The following SLC25A26 variants were observed in gnomAD, a reference collection of about 807,000 sequenced individuals.
The protein encoded by SLC25A26 is mitochondrial S-adenosylmethionine carrier protein.
A neutral mutation model predicts 37.8 loss-of-function variants in SLC25A26; 36 were observed. That is an observed-to-expected ratio of 0.95 (90% CI 0.73 to 1.26). SLC25A26 has a LOEUF of 1.26. Among genes scored for constraint, SLC25A26 ranks in the 50% most tolerant of loss-of-function variants. The probability of loss-of-function intolerance (pLI) is 0.00; values close to 1 mark genes in which losing one functional copy is unlikely to be tolerated. For missense variants in SLC25A26, 390 were observed against 331.1 expected (o/e 1.18, Z -1.38); for synonymous variants, 129 against 122.5 (o/e 1.05, Z -0.35).
intron 5 of SLC25A26, among the ~76,000 whole-genome samples, chr3:66,275,700 T>G (rs1410536264): frequency 6.6e-6 from 1 of 152,128 alleles, no homozygotes; most frequent in East Asian, 1.9e-4. Flanking sequence ...CTGTCTGTAC[T>G]TCCATTGAGA....
chr3:66,186,459 A>G (rs1421534434), intron 1 of SLC25A26, among the ~76,000 whole-genome samples: 1 of 150,070 alleles, frequency 6.7e-6, no homozygotes, highest in Non-Finnish European at 1.5e-5. Context: ...TTATNCCTCA[A>G]CCTCACCTTA....
intron 6 of SLC25A26, among the ~76,000 whole-genome samples, chr3:66,353,715 G>C (rs2076512726): frequency 6.6e-6 from 1 of 152,208 alleles, no homozygotes; most frequent in African/African-American, 2.4e-5. Flanking sequence ...CGTTGAATCT[G>C]CTGAGCTTGG....
In SLC25A26 at chr3:66,308,414, A is replaced by G. The variant is rs573287559; in HGVS notation, c.454-37950A>G. Among the ~76,000 whole-genome samples the G allele has an allele frequency of 1.5e-3, 228 of 152,262 alleles. 1 individual carries two copies. The highest frequency in any genetic ancestry group is 1.6e-3 in the Non-Finnish European group (109 of 68,008). ...AGGAGATTTGGGGCTGCGATGATGG[A>G]GTTTTCAAAATATACAATCTTGTTA... On this transcript the variant is annotated intron_variant, in intron 5 of 9. Coordinates refer to ENST00000354883, the MANE Select transcript of SLC25A26 (RefSeq NM_001379210.1).
At chr3:66,355,965 T>G (rs2076565082) in intron 6 of SLC25A26, 3 of 453,556 alleles carry the variant, frequency 6.6e-6, no homozygotes, top group African/African-American at 4.0e-5. Context: ...GAGTAGATGA[T>G]TCTGTGCACA....
intron 3 of SLC25A26, among the ~76,000 whole-genome samples, chr3:66,259,988 T>C (rs1342719716): frequency 2.6e-5 from 4 of 152,234 alleles, no homozygotes; most frequent in African/African-American, 9.6e-5. Flanking sequence ...GGACTGCCGC[T>C]GATTCCCCTG....
chr3:66,137,221 T>C lies in SLC25A26; in HGVS notation c.-354+3237T>C, dbSNP rs539494402. Among the ~76,000 whole-genome samples the C allele has an allele frequency of 2.9e-4, 43 of 148,184 alleles. 1 individual carries two copies. The highest frequency in any genetic ancestry group is 7.9e-4 in the East Asian group (4 of 5,078). On this transcript the variant is annotated intron_variant, in intron 1 of 10. Coordinates refer to the SLC25A26 transcript ENST00000676754. ...ACCTATGCTGTGATTTTCTTTCTTT[T>C]TTTTTTTTTTTTTTTTGAGATGGAG...
chr3:66,214,943 C>T (rs989988975), intron 1 of SLC25A26, among the ~76,000 whole-genome samples: 3 of 152,084 alleles, frequency 2.0e-5, no homozygotes, highest in Non-Finnish European at 4.4e-5. Context: ...GCCTGGCCAA[C>T]GTGCTGAAAT....
At chr3:66,374,515 G>T (rs923693154) in intron 9 of SLC25A26, among the ~76,000 whole-genome samples, 3 of 152,168 alleles carry the variant, frequency 2.0e-5, no homozygotes, top group African/African-American at 7.2e-5. Context: ...CAATATTGCA[G>T]TTAGGCCAAT....
Position 66,287,639 on chromosome 3 carries a change from A to G in SLC25A26, c.453+24260A>G, listed in dbSNP as rs531096349. On this transcript the variant is annotated intron_variant, in intron 5 of 9. Transcript: ENST00000354883. ...TTATCATGTAGTAAAAATAATTTCAACATTCACCTACGGGAATGAGGAAAA... is the reference window on the plus strand; with the variant it reads ...TTATCATGTAGTAAAAATAATTTCAGCATTCACCTACGGGAATGAGGAAAA... 1.1e-4 allele frequency among the ~76,000 whole-genome samples: 17 copies of G among 152,320 alleles called. No homozygotes were observed. In the South Asian group the frequency reaches 3.5e-3, roughly 32 times the overall value.
chr3:66,319,580 A>G (rs1368024596), intron 5 of SLC25A26, among the ~76,000 whole-genome samples: 1 of 151,990 alleles, frequency 6.6e-6, no homozygotes, highest in Non-Finnish European at 1.5e-5. Flanking sequence ...CTGCCTTTCA[A>G]AGTTGATCTG....
At chr3:66,217,702 C>G (rs1203617589), upstream of SLC25A26, among the ~76,000 whole-genome samples, 1 of 152,082 alleles carries the variant, frequency 6.6e-6, no homozygotes, top group Non-Finnish European at 1.5e-5. Flanking sequence ...GCGCGCATCA[C>G]CACACTCAGC....
chr3:66,334,199 C>G (rs1374808673), intron 5 of SLC25A26, among the ~76,000 whole-genome samples: 1 of 152,158 alleles, frequency 6.6e-6, no homozygotes, highest in African/African-American at 2.4e-5. Flanking sequence ...CTGTCTGTTG[C>G]AGTGTGATTT....
chr3:66,378,692 C>T lies in SLC25A26; in HGVS notation c.*885C>T, dbSNP rs1700831749. 1.3e-5 allele frequency: 2 copies of T among 152,420 alleles called. No individual in the cohort carries two copies. The highest frequency in any genetic ancestry group is 2.4e-5 in the African/African-American group (1 of 41,430). 9.4% of individuals were successfully genotyped at this position (152,420 alleles called of 1,614,324 possible). ...GCAGTGTTGTCTGCCCTGGAGCAAA[C>T]AAACAGTATGTGATTTTGCTTCGCC... On this transcript the variant is annotated 3_prime_UTR_variant, in exon 10 of 10. Transcript: ENST00000354883.
chr3:66,303,087 G>A (rs972055383), intron 5 of SLC25A26, among the ~76,000 whole-genome samples: 3 of 152,148 alleles, frequency 2.0e-5, no homozygotes, highest in Admixed American at 6.6e-5. Context: ...CTGGGAGGTT[G>A]AAAGATGCAG....
At position 66,371,412 on chromosome 3, in the gene SLC25A26, A is replaced by G. The variant is rs1275275719; in HGVS notation, c.707+810A>G. 1.1e-5 allele frequency: 17 copies of G among 1,485,240 alleles called. No individual in the cohort carries two copies. In the East Asian group the frequency reaches 4.4e-4, roughly 38 times the overall value. The allele number at this position is 1,485,240 out of a possible 1,614,324, so 92.0% of individuals were successfully genotyped here. On this transcript the variant is annotated intron_variant, in intron 9 of 9. Coordinates refer to ENST00000354883, the MANE Select transcript of SLC25A26 (RefSeq NM_001379210.1). Reference sequence around the variant, plus strand: ...TTTGATGATCTGGAGGACATGAAGTAGGTGAGTCAGGACCCAGTTAAGGTT... The same window carrying G: ...TTTGATGATCTGGAGGACATGAAGTGGGTGAGTCAGGACCCAGTTAAGGTT...
At chr3:66,212,478 T>A (rs972077156) in intron 1 of SLC25A26, among the ~76,000 whole-genome samples, 2 of 152,156 alleles carry the variant, frequency 1.3e-5, no homozygotes, top group African/African-American at 4.8e-5. Flanking sequence ...TCAGTATATA[T>A]GTATAGGAAA....
intron 1 of SLC25A26, among the ~76,000 whole-genome samples, chr3:66,202,709 G>T (rs1336258932): frequency 6.6e-6 from 1 of 152,046 alleles, no homozygotes; most frequent in Non-Finnish European, 1.5e-5. Flanking sequence ...ACACACATCA[G>T]CAGCTCTAAG....
At chr3:66,171,701 G>T (rs2070502199) in intron 1 of SLC25A26, among the ~76,000 whole-genome samples, 1 of 152,108 alleles carries the variant, frequency 6.6e-6, no homozygotes, top group Non-Finnish European at 1.5e-5. Context: ...TGTTGCTCAG[G>T]CTGGTCTCAA....
chr3:66,295,413 T>A (rs1279498526), intron 5 of SLC25A26, among the ~76,000 whole-genome samples: 1 of 150,076 alleles, frequency 6.7e-6, no homozygotes, highest in East Asian at 2.0e-4. Flanking sequence ...TTGTTTTTTT[T>A]TTTTTTTTGA....
Sources: allele counts gnomAD v4.1 joint callset (sites outside exome capture counted in the v4.1 genomes callset), GRCh38; gene constraint gnomAD v4.1.1; transcripts MANE v1.5; gene names NCBI Gene and HGNC (gene_info 2026-07-23, HGNC 2026-07-21).